DENND1A: variants seen among roughly 807,000 people sequenced by gnomAD.
DENND1A encodes DENN domain containing 1A.
In DENND1A, 51 loss-of-function variants were observed where a neutral mutation model predicts 113.7. The observed-to-expected ratio is 0.45, with a 90% CI of 0.36 to 0.57. The LOEUF (loss-of-function observed/expected upper bound fraction) is 0.57. Among genes scored for constraint, DENND1A ranks in the 20% least tolerant of loss-of-function variants. The probability of loss-of-function intolerance (pLI) is 0.00; values close to 1 mark genes in which losing one functional copy is unlikely to be tolerated. For synonymous variants in DENND1A, 565 were observed against 570.8 expected (o/e 0.99, Z 0.14); for missense variants, 1,258 against 1,395.9 (o/e 0.90, Z 1.57).
chr9:123,694,091 C>T (rs1023685871), intron 5 of DENND1A, among the ~76,000 whole-genome samples: 9 of 151,958 alleles, frequency 5.9e-5, no homozygotes, highest in African/African-American at 2.2e-4. Flanking sequence ...GCCTTGGCCT[C>T]CCAAAGTGCT....
At chr9:123,914,782 G>C (rs1854782817) in intron 1 of DENND1A, among the ~76,000 whole-genome samples, 1 of 151,832 alleles carries the variant, frequency 6.6e-6, no homozygotes, top group Non-Finnish European at 1.5e-5. Flanking sequence ...TGAACTACTA[G>C]AGCAAGAACT....
intron 10 of DENND1A, among the ~76,000 whole-genome samples, chr9:123,616,102 G>GT (rs1407332849): frequency 1.3e-5 from 2 of 152,142 alleles, no homozygotes; most frequent in Admixed American, 1.3e-4. Context: ...GCTGGTTTTT[G>GT]TATTTTTAGT....
rs147159515 is a variant in DENND1A, at chr9:123,424,246, A to G, written c.1489-12417T>C. Among the ~76,000 whole-genome samples the G allele has an allele frequency of 4.6e-3, 694 of 152,266 alleles. 3 individuals carry two copies. The highest frequency in any genetic ancestry group is 0.016 in the African/African-American group (675 of 41,538). ...GTGTCCATCAATCCTGCACACCCCAAGGGACATCCCTTCCTCACGGACTGT... is the reference window on the plus strand; with the variant it reads ...GTGTCCATCAATCCTGCACACCCCAGGGGACATCCCTTCCTCACGGACTGT... On this transcript the variant is annotated intron_variant, in intron 19 of 23. Transcript: ENST00000394215.
At chr9:123,543,000 G>A (rs910929144) in intron 13 of DENND1A, among the ~76,000 whole-genome samples, 2 of 152,232 alleles carry the variant, frequency 1.3e-5, no homozygotes, top group African/African-American at 2.4e-5. Context: ...ACCAAGTAGA[G>A]CAGCCTGCCG....
chr9:123,455,626 A>C (rs778349388), intron 15 of DENND1A, among the ~76,000 whole-genome samples: 2 of 152,220 alleles, frequency 1.3e-5, no homozygotes, highest in African/African-American at 2.4e-5. Flanking sequence ...GGGGCACCAG[A>C]ACAGGAACCC....
At chr9:123,639,039 TAAAAAAAAAAAAAAA>T (rs750972974) in intron 9 of DENND1A, among the ~76,000 whole-genome samples, 2 of 32,122 alleles carry the variant, frequency 6.2e-5, no homozygotes, top group Non-Finnish European at 1.1e-4. Context: ...GCATGAGTAG[TAAAAAAAAAAAAAAA>T]AAAAAAAAAA....
At chr9:123,648,485 C>G (rs943876521) in intron 9 of DENND1A, among the ~76,000 whole-genome samples, 10 of 152,152 alleles carry the variant, frequency 6.6e-5, no homozygotes, top group African/African-American at 2.2e-4. Flanking sequence ...CTAATTCATG[C>G]CTTTTGCCAA....
intron 2 of DENND1A, among the ~76,000 whole-genome samples, chr9:123,853,462 G>A (rs1445597327): frequency 2.0e-5 from 3 of 151,340 alleles, no homozygotes; most frequent in Admixed American, 6.6e-5. Context: ...TCAGGAGTTC[G>A]AGACCAGCCT....
intron 13 of DENND1A, among the ~76,000 whole-genome samples, chr9:123,552,018 C>CAGAGA (rs2057088260): frequency 8.4e-6 from 1 of 118,570 alleles, no homozygotes; most frequent in Non-Finnish European, 1.8e-5. Context: ...AGAGCGAGAG[C>CAGAGA]GAGAGAGAGA....
At chr9:123,716,528 CTCAGAG>C (rs2066987244) in intron 5 of DENND1A, among the ~76,000 whole-genome samples, 1 of 152,198 alleles carries the variant, frequency 6.6e-6, no homozygotes, top group Non-Finnish European at 1.5e-5. Flanking sequence ...TCCTTTCATT[CTCAGAG>C]TCAATTTAAA....
intron 1 of DENND1A, among the ~76,000 whole-genome samples, chr9:123,886,453 G>C (rs1163288011): frequency 2.6e-5 from 4 of 152,166 alleles, no homozygotes; most frequent in Non-Finnish European, 5.9e-5. Context: ...CTTCAAACCA[G>C]CTTCAGCGCA....
chr9:123,667,000 AT>A, intron 8 of DENND1A, 25 bp downstream of exon 8: 1 of 1,569,670 alleles, frequency 6.4e-7, no homozygotes, highest in Non-Finnish European at 8.6e-7. Context: ...TAAAAATTTA[AT>A]TTTTTCTTCT....
chr9:123,613,065 G>A (rs1188978395), intron 10 of DENND1A, among the ~76,000 whole-genome samples: 3 of 148,276 alleles, frequency 2.0e-5, no homozygotes, highest in African/African-American at 7.5e-5. Context: ...ATGAGGAATG[G>A]GAGGTGCTTG....
At chr9:123,426,846 C>T (rs1446302060) in intron 19 of DENND1A, among the ~76,000 whole-genome samples, 1 of 152,210 alleles carries the variant, frequency 6.6e-6, no homozygotes, top group Non-Finnish European at 1.5e-5. Flanking sequence ...GTTGCCACCT[C>T]ATCGCAGAAC....
At chr9:123,456,925 A>G in intron 15 of DENND1A, 1 of 169,800 alleles carries the variant, frequency 5.9e-6, no homozygotes, top group East Asian at 1.7e-4. Context: ...TAATCTCAAC[A>G]GGAATCCTGT....
intron 3 of DENND1A, among the ~76,000 whole-genome samples, chr9:123,773,274 T>C (rs3945628): frequency 0.15 from 22,706 of 152,104 alleles, 2,917 homozygotes; most frequent in African/African-American, 0.35. Flanking sequence ...CCTCAGAGTA[T>C]GAACCAAAAT....
chr9:123,650,750 T>C (rs919095049), intron 9 of DENND1A, among the ~76,000 whole-genome samples: 2 of 151,722 alleles, frequency 1.3e-5, no homozygotes, highest in Admixed American at 6.6e-5. Flanking sequence ...CTACTAAAAA[T>C]ACAAAAATTA....
intron 9 of DENND1A, among the ~76,000 whole-genome samples, chr9:123,634,395 C>T (rs1257297964): frequency 2.6e-5 from 4 of 152,180 alleles, no homozygotes; most frequent in Non-Finnish European, 5.9e-5. Context: ...AAACTATGTG[C>T]ATCATTACTT....
chr9:123,597,158 C>T (rs1318120336), intron 11 of DENND1A, among the ~76,000 whole-genome samples: 2 of 152,196 alleles, frequency 1.3e-5, no homozygotes, highest in African/African-American at 2.4e-5. Flanking sequence ...AAGCCCGACT[C>T]CCATCTCCAC....
Sources: allele counts gnomAD v4.1 joint callset (sites outside exome capture counted in the v4.1 genomes callset), GRCh38; gene constraint gnomAD v4.1.1; transcripts MANE v1.5; gene names NCBI Gene and HGNC (gene_info 2026-07-23, HGNC 2026-07-21).